The following MALRD1 variants were observed in gnomAD, a reference collection of about 807,000 sequenced individuals.
MALRD1 encodes MAM and LDL-receptor class A domain-containing protein 1.
MALRD1 carries 247 observed loss-of-function variants against 242.1 expected under a neutral mutation model. That is an observed-to-expected ratio of 1.02 (90% CI 0.92 to 1.13). The LOEUF (loss-of-function observed/expected upper bound fraction) is 1.13, where lower values mean the gene tolerates loss of function less well. Among genes scored for constraint, MALRD1 ranks in the 50% most tolerant of loss-of-function variants. MALRD1 has a pLI of 0.00. For synonymous variants in MALRD1, 995 were observed against 866.6 expected (o/e 1.15, Z -2.60); for missense variants, 2,989 against 2,533.1 (o/e 1.18, Z -3.86).
rs780901170 is a variant in MALRD1 at position 19,136,779 on chromosome 10, G to A, written c.1409G>A (p.Cys470Tyr). Residue 470 changes from cysteine to tyrosine, a missense_variant and splice_region_variant, in exon 10 of 40, where the codon TGC (cysteine) becomes TAC (tyrosine). By Grantham distance (194) the Cys-to-Tyr change is radical. Transcript: ENST00000454679. ...SDESDEDPAT[C>Y]SKHLTCDFES... ...GAGAGTGATGAAGACCCAGCAACTT[G>A]CTGTAAGTGAGTGAATGGCTTACTA... 2 of 1,231,310 alleles carry A rather than the reference G, an allele frequency of 1.6e-6. No homozygotes were observed. Among genetic ancestry groups the A allele is most frequent in the African/African-American group, 1.6e-5 (1 of 64,386 alleles). 76.3% of individuals were successfully genotyped at this position (1,231,310 alleles called of 1,614,324 possible). A position where few individuals can be genotyped will look rare whatever the true frequency, so the allele number is the denominator to read the frequency against.
rs369104184 is a variant in MALRD1 at position 19,633,619 on chromosome 10, G to T, written c.6137+17696G>T. ...CCAAATAGTTTTGTCAGAAGTTGAG[G>T]AGACCCCAAAGTAAAGAAACTCCAA... On this transcript the variant is annotated intron_variant, in intron 36 of 39. Transcript: ENST00000454679. 33 of 152,062 alleles carry T rather than the reference G, an allele frequency of 2.2e-4. 1 individual carries two copies. The highest frequency in any genetic ancestry group is 7.2e-4 in the African/African-American group (30 of 41,482). The allele number at this position is 152,062 out of a possible 1,614,324, so 9.4% of individuals were successfully genotyped here.
At position 19,226,425 on chromosome 10, in the gene MALRD1, C is replaced by A. The variant is rs1588725372; in HGVS notation, c.2991+16745C>A. ...TTTCTACATAAGATTATGAAAAATG[C>A]AATGATGTCCTCTCTCCCTAGTTCT... On this transcript the variant is annotated intron_variant, in intron 18 of 39. Coordinates refer to ENST00000454679, the MANE Select transcript of MALRD1 (RefSeq NM_001142308.3). 7.9e-5 allele frequency among the ~76,000 whole-genome samples: 12 copies of A among 152,160 alleles called. No individual in the cohort carries two copies. In the South Asian group the frequency reaches 2.5e-3, roughly 32 times the overall value.
intron 34 of MALRD1, among the ~76,000 whole-genome samples, chr10:19,601,890 G>A (rs1235253467): frequency 6.6e-6 from 1 of 151,880 alleles, no homozygotes; most frequent in African/African-American, 2.4e-5. Flanking sequence ...TTGAAACTAT[G>A]ATCTTATCTG....
rs565129410 is a variant in MALRD1, at chr10:19,585,499, G to A, written c.5681-9695G>A. 7.9e-5 allele frequency among the ~76,000 whole-genome samples: 12 copies of A among 151,934 alleles called. No homozygotes were observed. In the South Asian group the frequency reaches 2.5e-3, roughly 32 times the overall value. ...TTCATTTATGAAGCTTAGTTTGGCT[G>A]GATATGAAATTCTGGGTTGAAAATT... On this transcript the variant is annotated intron_variant, in intron 33 of 39. Coordinates refer to ENST00000454679, the MANE Select transcript of MALRD1 (RefSeq NM_001142308.3).
In MALRD1 at chr10:19,136,684, A is replaced by T. The variant is rs1833351319; in HGVS notation, c.1314A>T (p.Glu438Asp). The T allele has an allele frequency of 8.1e-7, 1 of 1,231,708 alleles. No homozygotes were observed. The allele number at this position is 1,231,708 out of a possible 1,614,324, so 76.3% of individuals were successfully genotyped here. A position where few individuals can be genotyped will look rare whatever the true frequency, so the allele number is the denominator to read the frequency against. The change falls in exon 10 of 40, where the codon GAA becomes GAT. Residue 438 changes from glutamate to aspartate, a missense_variant. By Grantham distance (45) the Glu-to-Asp change is conservative. Transcript: ENST00000454679. Reference protein sequence around the residue: ...TQSRKLCSADEFPCTSGQCIA... With the variant: ...TQSRKLCSADDFPCTSGQCIA... ...CCAGAAAGCTTTGCTCTGCAGACGA[A>T]TTCCCTTGCACTAGTGGCCAGTGCA...
At chr10:19,450,613 A>G in intron 29 of MALRD1, 123 bp downstream of exon 29, 1 of 847,128 alleles carries the variant, frequency 1.2e-6, no homozygotes, top group Non-Finnish European at 1.8e-6. Flanking sequence ...AATCAATGGA[A>G]AGGTATAATT....
chr10:19,256,280 T>C (rs187440921), intron 18 of MALRD1, among the ~76,000 whole-genome samples: 1 of 152,208 alleles, frequency 6.6e-6, no homozygotes, highest in East Asian at 1.9e-4. Context: ...ATTTGTGCCT[T>C]TTCCCCAACT....
In MALRD1 at chr10:19,353,692, C is replaced by A. The variant is rs1027020116; in HGVS notation, c.4441+1395C>A. Among the ~76,000 whole-genome samples, 5 of 152,292 alleles carry A rather than the reference C, an allele frequency of 3.3e-5. No homozygotes were observed. The East Asian group carries it at 7.7e-4, about 23-fold the overall frequency. ...GTGGATTTAATGCAAAGGTAATTGACCTGCCCAAGATACTCTACTTCTCCA... is the reference window on the plus strand; with the variant it reads ...GTGGATTTAATGCAAAGGTAATTGAACTGCCCAAGATACTCTACTTCTCCA... On this transcript the variant is annotated intron_variant, in intron 26 of 39. Coordinates refer to ENST00000454679, the MANE Select transcript of MALRD1 (RefSeq NM_001142308.3).
intron 33 of MALRD1, among the ~76,000 whole-genome samples, chr10:19,584,568 G>C (rs1837295436): frequency 6.6e-6 from 1 of 152,164 alleles, no homozygotes; most frequent in Non-Finnish European, 1.5e-5. Flanking sequence ...GTTCTAGTTT[G>C]ATTGCACTGT....
chr10:19,183,007 T>A (rs938137967), intron 14 of MALRD1, among the ~76,000 whole-genome samples: 2 of 151,528 alleles, frequency 1.3e-5, no homozygotes, highest in Admixed American at 6.6e-5. Flanking sequence ...TTTTTAGACA[T>A]AAAAGGAAAA....
chr10:19,701,510 C>T (rs909152097), intron 38 of MALRD1, among the ~76,000 whole-genome samples: 10 of 151,870 alleles, frequency 6.6e-5, no homozygotes, highest in South Asian at 6.2e-4. Flanking sequence ...TGGGTTGGGG[C>T]GATGGAGGAA....
At chr10:19,094,639 T>G (rs1199796898) in intron 4 of MALRD1, among the ~76,000 whole-genome samples, 1 of 152,172 alleles carries the variant, frequency 6.6e-6, no homozygotes, top group Non-Finnish European at 1.5e-5. Context: ...TTCCTTTCAT[T>G]TCTTTTTCCT....
intron 18 of MALRD1, among the ~76,000 whole-genome samples, chr10:19,247,706 A>G (rs1392779810): frequency 6.6e-6 from 1 of 152,114 alleles, no homozygotes; most frequent in African/African-American, 2.4e-5. Context: ...AAGGAAGTCA[A>G]ATTTGAAGAG....
rs1371311746 is a variant in MALRD1, at chr10:19,203,716, T to C, written c.1952-12T>C. The C allele has an allele frequency of 1.3e-6, 2 of 1,517,652 alleles. No individual in the cohort carries two copies. The highest frequency in any genetic ancestry group is 1.2e-5 in the South Asian group (1 of 80,158). The allele number at this position is 1,517,652 out of a possible 1,614,324, so 94.0% of individuals were successfully genotyped here. On this transcript the variant is annotated splice_polypyrimidine_tract_variant and intron_variant, in intron 14 of 39. Coordinates refer to ENST00000454679, the MANE Select transcript of MALRD1 (RefSeq NM_001142308.3). ...GGAGAGCCAACATAAGAGCCACATT[T>C]TTGTTCTTCAGTTTCCAAGTGTGAC...
At chr10:19,684,964 G>A (rs1050086681) in intron 36 of MALRD1, among the ~76,000 whole-genome samples, 16 of 152,132 alleles carry the variant, frequency 1.1e-4, no homozygotes, top group Non-Finnish European at 1.5e-4. Context: ...CTGCAGGTTA[G>A]TGTAGGATCC....
chr10:19,594,442 A>C (rs1837972012), intron 33 of MALRD1, among the ~76,000 whole-genome samples: 1 of 152,176 alleles, frequency 6.6e-6, no homozygotes, highest in South Asian at 2.1e-4. Flanking sequence ...GCCTTAAAGA[A>C]CTAAAAGTTG....
chr10:19,216,116 TTTC>T (rs796599574), intron 18 of MALRD1, among the ~76,000 whole-genome samples: 32 of 109,936 alleles, frequency 2.9e-4, no homozygotes, highest in African/African-American at 6.1e-4. Context: ...TCTTTCTTTC[TTTC>T]TTTTTTTTTT....
At chr10:19,597,960 G>T (rs774676819) in intron 34 of MALRD1, among the ~76,000 whole-genome samples, 1 of 152,166 alleles carries the variant, frequency 6.6e-6, no homozygotes, top group Non-Finnish European at 1.5e-5. Flanking sequence ...AGCATATTTT[G>T]TGTTGCTAGA....
At chr10:19,334,552 G>C (rs1280931784) in intron 24 of MALRD1, among the ~76,000 whole-genome samples, 1 of 151,786 alleles carries the variant, frequency 6.6e-6, no homozygotes, top group Non-Finnish European at 1.5e-5. Flanking sequence ...GATAATTACT[G>C]TATCAGTTGA....
Sources: allele counts gnomAD v4.1 joint callset (sites outside exome capture counted in the v4.1 genomes callset), GRCh38; gene constraint gnomAD v4.1.1; transcripts MANE v1.5; gene names NCBI Gene and HGNC (gene_info 2026-07-23, HGNC 2026-07-21).